RABL6: variants seen among roughly 807,000 people sequenced by gnomAD.
RABL6 encodes RAB, member RAS oncogene family like 6.
Under a neutral mutation model 72.9 loss-of-function variants are expected in RABL6, and 28 were observed. The ratio of observed to expected loss-of-function variants is 0.38; its 90% CI spans 0.28 to 0.53. RABL6 has a LOEUF of 0.53. Among genes scored for constraint, RABL6 ranks in the 20% least tolerant of loss-of-function variants. The pLI is 0.80. For missense variants in RABL6, 1,029 were observed against 1,008.4 expected, an observed-to-expected ratio of 1.02 and a Z score of -0.28; for synonymous variants, 477 against 421.2, an observed-to-expected ratio of 1.13 and a Z score of -1.62.
intron 1 of RABL6, among the ~76,000 whole-genome samples, chr9:136,822,446 G>A (rs995779490): frequency 2.0e-5 from 3 of 152,186 alleles, no homozygotes; most frequent in Non-Finnish European, 2.9e-5. Context: ...GAAGCTCTCG[G>A]GGTCTGCCCA....
rs1031232236 is a variant in RABL6, at chr9:136,811,559, A to G, written c.130+3233A>G. Reference sequence around the variant, plus strand: ...CTTGAGCCCAAGTGGCAGAAGTTACAGTGAGCTGAGATTGTGCCACTGCAC... The same window carrying G: ...CTTGAGCCCAAGTGGCAGAAGTTACGGTGAGCTGAGATTGTGCCACTGCAC... On this transcript the variant is annotated intron_variant, in intron 1 of 14. Transcript: ENST00000311502. 3.3e-5 allele frequency among the ~76,000 whole-genome samples: 5 copies of G among 151,554 alleles called. No homozygotes were observed. In the South Asian group the frequency reaches 1.0e-3, roughly 32 times the overall value.
intron 13 of RABL6, 97 bp from the exon 14 acceptor site, chr9:136,840,057 G>T (rs972571620): frequency 1.5e-5 from 23 of 1,564,822 alleles, no homozygotes; most frequent in Non-Finnish European, 1.9e-5. Flanking sequence ...TGGAGGGCTG[G>T]GGCTCGCTGC....
chr9:136,817,583 C>T (rs531490054), intron 1 of RABL6, among the ~76,000 whole-genome samples: 3 of 149,276 alleles, frequency 2.0e-5, no homozygotes, highest in South Asian at 4.3e-4. Flanking sequence ...GTGGGGAGGC[C>T]GACGTGGGCT....
At chr9:136,833,919 C>T (rs757522707) in intron 7 of RABL6, 2 of 1,550,096 alleles carry the variant, frequency 1.3e-6, no homozygotes, top group Non-Finnish European at 1.7e-6. Context: ...GTTGATTACT[C>T]CTTAGAGAGC....
chr9:136,820,879 A>G (rs180682132), intron 1 of RABL6, among the ~76,000 whole-genome samples: 1 of 152,244 alleles, frequency 6.6e-6, no homozygotes, highest in Non-Finnish European at 1.5e-5. Flanking sequence ...GACGTCCTTC[A>G]GTAGATGAAT....
intron 1 of RABL6, among the ~76,000 whole-genome samples, chr9:136,811,651 C>T (rs779058092): frequency 1.7e-4 from 26 of 151,828 alleles, no homozygotes; most frequent in Non-Finnish European, 3.4e-4. Context: ...CACCACCACA[C>T]CCAGCTAATT....
At chr9:136,834,588 C>T (rs192731135) in intron 7 of RABL6, 2 of 557,404 alleles carry the variant, frequency 3.6e-6, no homozygotes, top group African/African-American at 4.1e-5. Context: ...AAGCGATTCT[C>T]CTGCCTAAGC....
At position 136,834,211 on chromosome 9, in the gene RABL6, A is replaced by G. The variant is rs541242306; in HGVS notation, c.706-1531A>G. The G allele has an allele frequency of 4.0e-5, 49 of 1,217,676 alleles. No homozygotes were observed. The African/African-American group carries it at 6.8e-4, about 17-fold the overall frequency. 75.4% of individuals were successfully genotyped at this position (1,217,676 alleles called of 1,614,324 possible). A position where few individuals can be genotyped will look rare whatever the true frequency, so the allele number is the denominator to read the frequency against. ...CTAAAAATATTTCAAACACATCTCT[A>G]AAAAAATCAGTTGTTTTTTTAACCT... is the stretch of plus-strand genomic sequence containing the variant. On this transcript the variant is annotated intron_variant, in intron 7 of 14. Coordinates refer to ENST00000311502, the MANE Select transcript of RABL6 (RefSeq NM_024718.5).
chr9:136,828,425 G>T (rs1848402688), intron 3 of RABL6, 69 bp from the exon 4 acceptor site: 2 of 1,532,100 alleles, frequency 1.3e-6, no homozygotes, highest in East Asian at 4.6e-5. Context: ...GCCATGGGGG[G>T]ACCATGCTCC....
intron 1 of RABL6, among the ~76,000 whole-genome samples, chr9:136,810,335 A>G (rs1275325074): frequency 1.3e-5 from 2 of 152,174 alleles, no homozygotes; most frequent in Admixed American, 1.3e-4. Context: ...GGGTCCTTCC[A>G]GAGGAGAAAA....
intron 4 of RABL6, 105 bp from the exon 5 acceptor site, chr9:136,829,288 T>C (rs1384287657): frequency 1.5e-5 from 13 of 857,448 alleles, no homozygotes; most frequent in Non-Finnish European, 1.5e-5. Context: ...GAAATGGCTG[T>C]TATCTTTTCA....
chr9:136,809,501 G>A, intron 1 of RABL6: 3 of 256,704 alleles, frequency 1.2e-5, no homozygotes, highest in Admixed American at 4.6e-5. Context: ...TCCGGGCCGG[G>A]CACGGTGGCT....
intron 2 of RABL6, among the ~76,000 whole-genome samples, chr9:136,824,623 C>G (rs931215090): frequency 1.3e-5 from 2 of 151,856 alleles, no homozygotes; most frequent in African/African-American, 4.8e-5. Context: ...GCCACCACTC[C>G]CACCCAGGGC....
rs1309539182 is a variant in RABL6 at position 136,808,037 on chromosome 9, G to T, written c.-160G>T. The stretch of plus-strand genomic sequence containing the variant: ...CCGCGGCTGAGGTTCCCGAGTCGCC[G>T]CTCGGGGCTGCGCTCCGCCGCCGGG... On this transcript the variant is annotated 5_prime_UTR_variant, in exon 1 of 15. Transcript: ENST00000311502. 9.5e-7 allele frequency: 1 copy of T among 1,057,240 alleles called. No individual in the cohort carries two copies. Among genetic ancestry groups the T allele is most frequent in the Non-Finnish European group, 1.1e-6 (1 of 872,566 alleles). The allele number at this position is 1,057,240 out of a possible 1,614,324, so 65.5% of individuals were successfully genotyped here.
chr9:136,812,282 G>C (rs894817883), intron 1 of RABL6, among the ~76,000 whole-genome samples: 1 of 152,104 alleles, frequency 6.6e-6, no homozygotes, highest in Admixed American at 6.6e-5. Flanking sequence ...TTAGCAGGCC[G>C]GGCACGGTGG....
In RABL6 at chr9:136,825,766, C is replaced by T; in HGVS notation, c.266-13C>T. On this transcript the variant is annotated splice_polypyrimidine_tract_variant and intron_variant, in intron 2 of 14. Transcript: ENST00000311502. ...CATGTTGGGCACTAATTTTAGGATTCTCCCTGTTTCAGCCACGGATGACAT... is the reference window on the plus strand; with the variant it reads ...CATGTTGGGCACTAATTTTAGGATTTTCCCTGTTTCAGCCACGGATGACAT... 1.2e-6 allele frequency: 2 copies of T among 1,613,016 alleles called. No homozygotes were observed. Among genetic ancestry groups the T allele is most frequent in the Non-Finnish European group, 1.7e-6 (2 of 1,179,038 alleles).
In RABL6 at chr9:136,840,490, C is replaced by T. The variant is rs775388745; in HGVS notation, c.2158C>T (p.His720Tyr). 1 of 1,524,568 alleles carries T rather than the reference C, an allele frequency of 6.6e-7. No individual in the cohort carries two copies. Among genetic ancestry groups the T allele is most frequent in the Non-Finnish European group, 8.8e-7 (1 of 1,138,100 alleles). 94.4% of individuals were successfully genotyped at this position (1,524,568 alleles called of 1,614,324 possible). A position where few individuals can be genotyped will look rare whatever the true frequency, so the allele number is the denominator to read the frequency against. Reference protein sequence around the residue: ...FLGGGAPGGRHPGGGDYEEL With the variant: ...FLGGGAPGGRYPGGGDYEEL ...GGGGGGCGGGGCCCCGGGCGGCCGC[C>T]ACCCTGGGGGTGGCGACTACGAGGA... The change falls in exon 15 of 15, where the codon CAC becomes TAC. Residue 720 changes from histidine to tyrosine, a missense_variant. Physicochemically the swap from His to Tyr is moderately conservative, Grantham distance 83 (BLOSUM62 2). Coordinates refer to ENST00000311502, the MANE Select transcript of RABL6 (RefSeq NM_024718.5).
At position 136,839,016 on chromosome 9, in the gene RABL6, C is replaced by T; in HGVS notation, c.1388C>T (p.Pro463Leu). The T allele has an allele frequency of 1.1e-5, 17 of 1,612,450 alleles. No homozygotes were observed. Among genetic ancestry groups the T allele is most frequent in the Non-Finnish European group, 1.4e-5 (17 of 1,179,736 alleles). ...GSPPLPAGPV[P>L]SQDITLSSEE... Reference sequence around the variant, plus strand: ...CCCCCGCTGCCTGCAGGCCCCGTCCCCAGTCAAGACATCACTCTTTCGAGT... The same window carrying T: ...CCCCCGCTGCCTGCAGGCCCCGTCCTCAGTCAAGACATCACTCTTTCGAGT... The change falls in exon 11 of 15, where the codon CCC becomes CTC. Residue 463 changes from proline to leucine, a missense_variant. This residue lies in a region of RABL6 where 595 missense variants were observed against 472.4 expected (regional missense o/e 1.26). Coordinates refer to ENST00000311502, the MANE Select transcript of RABL6 (RefSeq NM_024718.5).
chr9:136,832,869 C>G (rs988907021), intron 7 of RABL6: 1 of 318,884 alleles, frequency 3.1e-6, no homozygotes. Flanking sequence ...ACTAAACTCA[C>G]TTTCCTTTGT....
Sources: gnomAD v4.1 joint callset for allele counts (sites outside exome capture counted in the v4.1 genomes callset) on GRCh38, gnomAD v4.1.1 for gene constraint, gnomAD v4.1.1 regional missense constraint, MANE v1.5 for transcripts, NCBI Gene and HGNC (gene_info 2026-07-23, HGNC 2026-07-21) for gene names.